CALN1: variants seen among roughly 807,000 people sequenced by gnomAD.
CALN1 encodes the protein calcium-binding protein 8.
Under a neutral mutation model 30.6 loss-of-function variants are expected in CALN1, and 17 were observed. The observed-to-expected ratio is 0.56, with a 90% CI of 0.38 to 0.83. CALN1 has a LOEUF of 0.83. CALN1 is among the 40% of genes least tolerant of loss of function. The pLI, the probability that CALN1 is intolerant of heterozygous loss-of-function variation, is 0.00. For synonymous variants in CALN1, 156 were observed against 131.4 expected (o/e 1.19, Z -1.28); for missense variants, 291 against 354.9 (o/e 0.82, Z 1.45).
intron 5 of CALN1, among the ~76,000 whole-genome samples, chr7:72,017,410 C>T (rs139895460): frequency 2.6e-5 from 4 of 152,228 alleles, no homozygotes; most frequent in East Asian, 1.9e-4. Context: ...AGCAAGTCAG[C>T]GTGGCAAACA....
chr7:72,254,350 C>G (rs557324876), intron 3 of CALN1, among the ~76,000 whole-genome samples: 1 of 152,124 alleles, frequency 6.6e-6, no homozygotes, highest in African/African-American at 2.4e-5. Context: ...ATGCAGAGAA[C>G]ATGATTGTTT....
chr7:71,798,978 G>A (rs761283160), intron 6 of CALN1, among the ~76,000 whole-genome samples: 2 of 152,014 alleles, frequency 1.3e-5, no homozygotes, highest in Admixed American at 6.6e-5. Context: ...ATTTGACTCC[G>A]GGTATGAATG....
intron 5 of CALN1, among the ~76,000 whole-genome samples, chr7:71,937,310 C>CA (rs1468896100): frequency 6.6e-6 from 1 of 150,752 alleles, no homozygotes; most frequent in African/African-American, 2.4e-5. Flanking sequence ...AACTTTGTCT[C>CA]AAAACAAAAC....
intron 2 of CALN1, among the ~76,000 whole-genome samples, chr7:72,344,428 A>G (rs1802520810): frequency 6.6e-6 from 1 of 151,982 alleles, no homozygotes; most frequent in Non-Finnish European, 1.5e-5. Flanking sequence ...TGGCAAAATA[A>G]CATGTATGGT....
intron 3 of CALN1, among the ~76,000 whole-genome samples, chr7:72,165,799 GA>G (rs1418569805): frequency 6.6e-6 from 1 of 151,806 alleles, no homozygotes; most frequent in Non-Finnish European, 1.5e-5. Flanking sequence ...AGGGAAGAAG[GA>G]AATGAATTGT....
chr7:72,060,320 A>C (rs1803561244), intron 4 of CALN1, among the ~76,000 whole-genome samples: 1 of 152,142 alleles, frequency 6.6e-6, no homozygotes, highest in Non-Finnish European at 1.5e-5. Context: ...CTTCTCTTGT[A>C]GCTTGGATCA....
chr7:72,133,574 T>C (rs1040774673), intron 3 of CALN1, among the ~76,000 whole-genome samples: 1 of 152,208 alleles, frequency 6.6e-6, no homozygotes, highest in Non-Finnish European at 1.5e-5. Context: ...CTAAACCTAG[T>C]GGGTAAAAGT....
chr7:72,496,827 T>G, the CALN1 span, among the ~76,000 whole-genome samples: 314 of 152,298 alleles, frequency 2.1e-3, 1 homozygote, highest in Admixed American at 6.0e-3. Context: ...TGCAGTGAGC[T>G]GTGATCGCAC....
chr7:72,275,991 G>A (rs1438063437), intron 3 of CALN1, among the ~76,000 whole-genome samples: 2 of 152,112 alleles, frequency 1.3e-5, no homozygotes, highest in Non-Finnish European at 2.9e-5. Context: ...CCATTGCACT[G>A]AAAAGTCACA....
intron 4 of CALN1, among the ~76,000 whole-genome samples, chr7:72,096,391 T>C (rs1350634970): frequency 6.6e-6 from 1 of 152,224 alleles, no homozygotes; most frequent in East Asian, 1.9e-4. Flanking sequence ...CCTGCAAATA[T>C]CCACAAGCTC....
At chr7:71,979,843 T>C (rs1372511495) in intron 5 of CALN1, among the ~76,000 whole-genome samples, 1 of 151,056 alleles carries the variant, frequency 6.6e-6, no homozygotes, top group Non-Finnish European at 1.5e-5. Context: ...ATGCAAGTAG[T>C]ATAAAATCTC....
At chr7:72,272,103 TC>T (rs1797035925) in intron 3 of CALN1, among the ~76,000 whole-genome samples, 1 of 148,376 alleles carries the variant, frequency 6.7e-6, no homozygotes, top group Admixed American at 6.7e-5. Context: ...AAATAGGGGC[TC>T]CTAGAGAAAA....
chr7:72,054,432 CGTATATATATATAT>C (rs1803060870), intron 4 of CALN1, among the ~76,000 whole-genome samples: 3 of 21,906 alleles, frequency 1.4e-4, no homozygotes, highest in Non-Finnish European at 2.0e-4. Flanking sequence ...TATATATACA[CGTATATATATATAT>C]ACATATATAT....
At chr7:72,185,805 TC>T (rs1178758719) in intron 3 of CALN1, among the ~76,000 whole-genome samples, 1 of 152,232 alleles carries the variant, frequency 6.6e-6, no homozygotes, top group East Asian at 1.9e-4. Context: ...CCTCATTCTC[TC>T]TTTGCCTGCT....
chr7:72,266,803 G>C (rs1287245884), intron 3 of CALN1, among the ~76,000 whole-genome samples: 1 of 152,130 alleles, frequency 6.6e-6, no homozygotes, highest in East Asian at 1.9e-4. Context: ...TAAGGAATGG[G>C]CCCTTGGAAG....
intron 1 of CALN1, among the ~76,000 whole-genome samples, chr7:72,420,914 G>A (rs982015951): frequency 2.1e-4 from 32 of 151,994 alleles, no homozygotes; most frequent in African/African-American, 7.5e-4. Flanking sequence ...ACGCCTGGCC[G>A]GGATGCATCT....
chr7:72,113,960 G>A (rs1362376243), intron 3 of CALN1, among the ~76,000 whole-genome samples: 2 of 152,200 alleles, frequency 1.3e-5, no homozygotes, highest in South Asian at 4.2e-4. Flanking sequence ...GAGGAACTCA[G>A]AGCTAAGCCA....
At chr7:71,958,475 T>C (rs112437252) in intron 5 of CALN1, among the ~76,000 whole-genome samples, 1,682 of 152,284 alleles carry the variant, frequency 0.011, 30 homozygotes, top group African/African-American at 0.038. Flanking sequence ...AAAGACCTTA[T>C]TGGTCCTTCA....
chr7:72,431,251 C>T (rs938103842), intron 1 of CALN1, among the ~76,000 whole-genome samples: 78 of 152,120 alleles, frequency 5.1e-4, no homozygotes, highest in African/African-American at 1.8e-3. Flanking sequence ...TTCTCAACCA[C>T]TAATAAAGCT....
Sources: allele counts gnomAD v4.1 joint callset (sites outside exome capture counted in the v4.1 genomes callset), GRCh38; gene constraint gnomAD v4.1.1; transcripts MANE v1.5; gene names NCBI Gene and HGNC (gene_info 2026-07-23, HGNC 2026-07-21).